KATNIP: variants seen among roughly 807,000 people sequenced by gnomAD.
KATNIP encodes katanin-interacting protein.
Under a neutral mutation model 174.0 loss-of-function variants are expected in KATNIP, and 126 were observed. The observed-to-expected ratio is 0.72, with a 90% CI of 0.63 to 0.84. The LOEUF is 0.84. Among genes scored for constraint, KATNIP ranks in the 40% least tolerant of loss-of-function variants. The pLI is 0.00. For synonymous variants in KATNIP, 810 were observed against 835.7 expected, an observed-to-expected ratio of 0.97 and a Z score of 0.53; for missense variants, 1,958 against 2,109.7, an observed-to-expected ratio of 0.93 and a Z score of 1.41.
At chr16:27,600,606 A>G (rs1217908282) in intron 2 of KATNIP, among the ~76,000 whole-genome samples, 1 of 150,824 alleles carries the variant, frequency 6.6e-6, no homozygotes, top group African/African-American at 2.4e-5. Context: ...GCCCTCCCCC[A>G]TTCTCCTGGT....
chr16:27,770,056 G>A (rs2082247308), intron 21 of KATNIP, 38 bp downstream of exon 21: 1 of 1,597,984 alleles, frequency 6.3e-7, no homozygotes. Flanking sequence ...GCCCCTCCCG[G>A]CCCCTGGGCC....
intron 3 of KATNIP, among the ~76,000 whole-genome samples, chr16:27,623,249 G>A (rs1450591903): frequency 6.6e-6 from 1 of 152,196 alleles, no homozygotes; most frequent in Non-Finnish European, 1.5e-5. Context: ...AGCCCCACGG[G>A]CCAGAACTCA....
At chr16:27,588,097 G>A (rs2141839421) in intron 2 of KATNIP, among the ~76,000 whole-genome samples, 1 of 151,700 alleles carries the variant, frequency 6.6e-6, no homozygotes, top group African/African-American at 2.4e-5. Context: ...TCGCCATTTT[G>A]CCCAGGCTGG....
chr16:27,680,670 G>A (rs184121408), intron 7 of KATNIP, among the ~76,000 whole-genome samples: 188 of 151,710 alleles, frequency 1.2e-3, no homozygotes, highest in African/African-American at 3.9e-3. Flanking sequence ...CTACAAGCAC[G>A]TGCCAACACA....
At chr16:27,734,052 GT>G (rs1321032597) in intron 14 of KATNIP, among the ~76,000 whole-genome samples, 2 of 152,044 alleles carry the variant, frequency 1.3e-5, no homozygotes, top group African/African-American at 4.8e-5. Flanking sequence ...GTAGGAGACA[GT>G]TAGTCTATAA....
At position 27,721,597 on chromosome 16, in the gene KATNIP, C is replaced by T. The variant is rs1567348382; in HGVS notation, c.1645C>T (p.Pro549Ser). 1.2e-6 allele frequency: 2 copies of T among 1,614,152 alleles called. No homozygotes were observed. The highest frequency in any genetic ancestry group is 1.7e-6 in the Non-Finnish European group (2 of 1,180,006). ...DSSPWTCPFH[P>S]PLQLFFVIRN... is the part of the protein sequence containing the mutation. Reference sequence around the variant, plus strand: ...CTCCCCGTGGACCTGCCCCTTCCACCCACCACTCCAGCTGTTTTTTGTTAT... The same window carrying T: ...CTCCCCGTGGACCTGCCCCTTCCACTCACCACTCCAGCTGTTTTTTGTTAT... Residue 549 changes from proline (P) to serine (S), a missense_variant, in exon 14 of 28, where the codon CCA (proline) becomes TCA (serine). By Grantham distance (74) the Pro-to-Ser change is moderately conservative. Around this residue, in one of 3 missense-constraint regions of KATNIP, gnomAD observed 1,557 missense variants for 1,617.8 expected, o/e 0.96. Coordinates refer to ENST00000261588, the MANE Select transcript of KATNIP (RefSeq NM_015202.5).
At chr16:27,739,326 G>A (rs767580177) in intron 14 of KATNIP, among the ~76,000 whole-genome samples, 1 of 152,188 alleles carries the variant, frequency 6.6e-6, no homozygotes, top group Non-Finnish European at 1.5e-5. Context: ...GAAGACTAGG[G>A]TTGGGGAAAG....
At chr16:27,725,646 G>A (rs141731877) in intron 14 of KATNIP, among the ~76,000 whole-genome samples, 24 of 152,294 alleles carry the variant, frequency 1.6e-4, no homozygotes, top group African/African-American at 5.1e-4. Flanking sequence ...GGAAGAAACC[G>A]ATAGTCTCCC....
At chr16:27,730,242 C>T (rs1448729605) in intron 14 of KATNIP, among the ~76,000 whole-genome samples, 1 of 152,234 alleles carries the variant, frequency 6.6e-6, no homozygotes, top group African/African-American at 2.4e-5. Context: ...TCCGCTGGAT[C>T]ACATGATGTT....
At chr16:27,559,915 A>G (rs2089791619) in intron 1 of KATNIP, among the ~76,000 whole-genome samples, 1 of 152,052 alleles carries the variant, frequency 6.6e-6, no homozygotes, top group African/African-American at 2.4e-5. Flanking sequence ...CAGGAGGCAA[A>G]GGTTGCAGTG....
At chr16:27,728,928 T>A (rs1273578778) in intron 14 of KATNIP, among the ~76,000 whole-genome samples, 8 of 152,190 alleles carry the variant, frequency 5.3e-5, no homozygotes, top group Non-Finnish European at 1.2e-4. Flanking sequence ...CACCCAGGTG[T>A]AAGTGCTGAC....
chr16:27,588,334 A>G (rs972379429), intron 2 of KATNIP, among the ~76,000 whole-genome samples: 2 of 152,126 alleles, frequency 1.3e-5, no homozygotes, highest in Admixed American at 1.3e-4. Flanking sequence ...TTAAGTGTAT[A>G]GTTTTATGAA....
chr16:27,767,493 G>A (rs2082164587), intron 20 of KATNIP, among the ~76,000 whole-genome samples: 1 of 152,206 alleles, frequency 6.6e-6, no homozygotes, highest in African/African-American at 2.4e-5. Flanking sequence ...GCTAAAGTTG[G>A]AGGATGGCTT....
intron 8 of KATNIP, among the ~76,000 whole-genome samples, chr16:27,688,043 C>T (rs960948091): frequency 6.6e-6 from 1 of 152,210 alleles, no homozygotes; most frequent in Admixed American, 6.5e-5. Flanking sequence ...CTCAGATGGT[C>T]TCTCGGGAAG....
chr16:27,659,794 C>T (rs2142458407), intron 6 of KATNIP, among the ~76,000 whole-genome samples: 1 of 152,176 alleles, frequency 6.6e-6, no homozygotes, highest in African/African-American at 2.4e-5. Context: ...TGTGGCCAAA[C>T]TGAGGGCTCA....
intron 8 of KATNIP, among the ~76,000 whole-genome samples, chr16:27,689,383 C>A (rs2078634998): frequency 6.6e-6 from 1 of 151,870 alleles, no homozygotes; most frequent in African/African-American, 2.4e-5. Flanking sequence ...TGGACTCCAG[C>A]CTGGATGACA....
intron 7 of KATNIP, 77 bp from the exon 8 acceptor site, chr16:27,681,322 T>C (rs1567294409): frequency 1.3e-6 from 2 of 1,554,276 alleles, no homozygotes; most frequent in East Asian, 4.5e-5. Flanking sequence ...AGTGAATGAA[T>C]GATGAACAAA....
intron 5 of KATNIP, among the ~76,000 whole-genome samples, chr16:27,642,511 G>A (rs1312931482): frequency 6.6e-6 from 1 of 152,046 alleles, no homozygotes; most frequent in Non-Finnish European, 1.5e-5. Flanking sequence ...TCCCAGTCGA[G>A]GTAGGAAGAC....
intron 6 of KATNIP, among the ~76,000 whole-genome samples, chr16:27,657,002 A>G (rs1465509495): frequency 6.6e-6 from 1 of 152,014 alleles, no homozygotes; most frequent in Admixed American, 6.6e-5. Flanking sequence ...GGTGTGAGGG[A>G]GAGGAATTGC....
Sources: allele counts gnomAD v4.1 joint callset (sites outside exome capture counted in the v4.1 genomes callset), GRCh38; gene constraint gnomAD v4.1.1; regional missense constraint gnomAD v4.1.1; transcripts MANE v1.5; gene names NCBI Gene and HGNC (gene_info 2026-07-23, HGNC 2026-07-21).